CHD2: variants seen among roughly 807,000 people sequenced by gnomAD.
The protein encoded by CHD2 is chromodomain helicase DNA binding protein 2, also known as ATP-dependent chromatin remodeler CHD2.
In CHD2, 28 loss-of-function variants were observed where a neutral mutation model predicts 243.9. The ratio of observed to expected loss-of-function variants is 0.11; its 90% CI spans 0.09 to 0.16. The LOEUF is 0.16. Among genes scored for constraint, CHD2 ranks in the 10% least tolerant of loss-of-function variants. The pLI is 1.00. For synonymous variants in CHD2, 775 were observed against 779.0 expected (o/e 0.99, Z 0.09); for missense variants, 1,386 against 2,209.8 (o/e 0.63, Z 7.47).
intron 32 of CHD2, among the ~76,000 whole-genome samples, chr15:93,001,058 G>A (rs1481687640): frequency 2.0e-5 from 3 of 152,104 alleles, no homozygotes; most frequent in African/African-American, 4.8e-5. Context: ...AAGTAGAGAT[G>A]GGGTTTCACC....
chr15:93,019,113 T>G (rs2054498507), intron 37 of CHD2, among the ~76,000 whole-genome samples: 1 of 152,230 alleles, frequency 6.6e-6, no homozygotes. Flanking sequence ...TGATCCAAGC[T>G]CAAAGTTAGA....
chr15:92,998,300 TTTGTAAA>T lies in CHD2; in HGVS notation c.3886-198_3886-192del, dbSNP rs1252955510. The T allele has an allele frequency of 3.0e-6, 4 of 1,316,588 alleles. No individual in the cohort carries two copies. In the East Asian group the frequency reaches 1.2e-4, roughly 39 times the overall value. 81.6% of individuals were successfully genotyped at this position (1,316,588 alleles called of 1,614,324 possible). ...GGAGAGCTGGATTTCTCCATCCCAT[TTTGTAAA>T]ATGAGAACGGCTCGTGAGGGATTTT... On this transcript the variant is annotated intron_variant, in intron 30 of 38. Coordinates refer to ENST00000394196, the MANE Select transcript of CHD2 (RefSeq NM_001271.4). The surrounding 1 kb of genome is among the most constrained non-coding windows in gnomAD (Gnocchi z 5.1).
At chr15:93,011,854 A>G (rs752759192) in intron 35 of CHD2, among the ~76,000 whole-genome samples, 27 of 152,194 alleles carry the variant, frequency 1.8e-4, no homozygotes, top group Non-Finnish European at 3.5e-4. Context: ...GAGATGACCA[A>G]CTGAATGGAG....
Position 93,009,132 on chromosome 15 carries a change from T to G in CHD2, c.4414-13T>G. Reference sequence around the variant, plus strand: ...CAGATTGTTTATGTCTTTACTCTGTTGTCCTGTTGCAGTGTAAGGAGAGGA... The same window carrying G: ...CAGATTGTTTATGTCTTTACTCTGTGGTCCTGTTGCAGTGTAAGGAGAGGA... On this transcript the variant is annotated splice_polypyrimidine_tract_variant and intron_variant, in intron 34 of 38. Transcript: ENST00000394196. The G allele has an allele frequency of 6.2e-7, 1 of 1,613,508 alleles. No individual in the cohort carries two copies. The highest frequency in any genetic ancestry group is 8.5e-7 in the Non-Finnish European group (1 of 1,179,628).
intron 17 of CHD2, among the ~76,000 whole-genome samples, chr15:92,970,505 A>T (rs915307784): frequency 1.3e-5 from 2 of 152,026 alleles, no homozygotes; most frequent in East Asian, 3.9e-4. Flanking sequence ...CCTGGCCCAT[A>T]ATTATTATTA....
chr15:92,947,928 G>A (rs1408185676), intron 12 of CHD2, among the ~76,000 whole-genome samples: 1 of 152,162 alleles, frequency 6.6e-6, no homozygotes, highest in Non-Finnish European at 1.5e-5. Flanking sequence ...CCTGAAAAAA[G>A]ACTTTTTGGC....
intron 2 of CHD2, among the ~76,000 whole-genome samples, chr15:92,912,758 A>T (rs767319314): frequency 6.0e-5 from 9 of 150,348 alleles, no homozygotes; most frequent in Admixed American, 1.3e-4. Flanking sequence ...CTGGTCTCAA[A>T]CTCCTGACCT....
chr15:92,914,074 A>AT (rs1294890999), intron 2 of CHD2, among the ~76,000 whole-genome samples: 1 of 152,182 alleles, frequency 6.6e-6, no homozygotes, highest in African/African-American at 2.4e-5. Flanking sequence ...AGCACCATAT[A>AT]TTTTATAAAA....
Position 92,941,802 on chromosome 15 carries a change from C to T in CHD2, c.693-20C>T, listed in dbSNP as rs141271290. 4.7e-3 allele frequency: 7,553 copies of T among 1,609,170 alleles called. 444 individuals are homozygous for T. The Admixed American group carries it at 0.11, about 23-fold the overall frequency. ...CTGAAGAGATCATTTCTCATTTATT[C>T]AGCATTATTCCTCTTGCAGTTACAA... On this transcript the variant is annotated intron_variant, in intron 7 of 38. Transcript: ENST00000394196.
At chr15:92,902,194 C>T (rs555459805) in intron 2 of CHD2, 1 of 397,894 alleles carries the variant, frequency 2.5e-6, no homozygotes, top group Admixed American at 4.4e-5. Context: ...AATGCTTTAT[C>T]TTCTGAAGCT....
intron 3 of CHD2, among the ~76,000 whole-genome samples, chr15:92,925,236 C>A (rs1369876729): frequency 6.6e-6 from 1 of 152,182 alleles, no homozygotes; most frequent in Non-Finnish European, 1.5e-5. Context: ...ATGAGAACTT[C>A]TAAGGAAGGC....
intron 34 of CHD2, among the ~76,000 whole-genome samples, chr15:93,007,885 G>A (rs376916237): frequency 6.6e-5 from 10 of 152,164 alleles, no homozygotes; most frequent in Admixed American, 2.6e-4. Flanking sequence ...CACCGCTCTC[G>A]AATATCTTTA....
At chr15:92,904,115 C>G (rs1011436567) in intron 2 of CHD2, among the ~76,000 whole-genome samples, 4 of 152,192 alleles carry the variant, frequency 2.6e-5, no homozygotes, top group Non-Finnish European at 5.9e-5. Flanking sequence ...ACTCTGGTGC[C>G]GACATAAAAG....
In CHD2 at chr15:92,941,950, A is replaced by G. The variant is rs557279382; in HGVS notation, c.821A>G (p.Lys274Arg). The change falls in exon 8 of 39, where the codon AAA (lysine) becomes AGA (arginine). Residue 274 changes from lysine to arginine, a missense_variant. By Grantham distance (26) the Lys-to-Arg change is conservative. Around this residue, in one of 19 missense-constraint regions of CHD2, gnomAD observed 200 missense variants for 292.5 expected, o/e 0.68. Transcript: ENST00000394196. ...EKVLDSRLGK[K>R]GATGASTTVY... is the part of the protein sequence containing the mutation. ...GTCTTAGATTCAAGACTGGGAAAGA[A>G]AGGAGGTATGTGTATTTGGGGAGCA... The G allele has an allele frequency of 1.9e-6, 3 of 1,612,272 alleles. No homozygotes were observed. In the South Asian group the frequency reaches 3.3e-5, roughly 18 times the overall value.
intron 32 of CHD2, 52 bp downstream of exon 32, chr15:93,000,692 A>T (rs778004268): frequency 1.3e-6 from 2 of 1,545,344 alleles, no homozygotes; most frequent in East Asian, 4.5e-5. Context: ...AGCTATACTT[A>T]TCATGCCAGC....
intron 13 of CHD2, chr15:92,949,319 T>G: frequency 9.5e-7 from 1 of 1,048,800 alleles, no homozygotes; most frequent in Non-Finnish European, 1.2e-6. Context: ...GTGGGTAATT[T>G]GTCATAGCCA....
At chr15:92,996,096 T>C (rs1432929229) in intron 28 of CHD2, among the ~76,000 whole-genome samples, 2 of 152,104 alleles carry the variant, frequency 1.3e-5, no homozygotes, top group Non-Finnish European at 2.9e-5. Flanking sequence ...TTGGACTATT[T>C]GGTTGGGGCT....
At chr15:92,920,033 T>C (rs1367535315) in intron 2 of CHD2, among the ~76,000 whole-genome samples, 2 of 152,204 alleles carry the variant, frequency 1.3e-5, no homozygotes, top group Non-Finnish European at 2.9e-5. Flanking sequence ...AAGTAATCCA[T>C]GGAACTCACA....
At chr15:92,909,315 C>G (rs749660953) in intron 2 of CHD2, among the ~76,000 whole-genome samples, 6 of 152,108 alleles carry the variant, frequency 3.9e-5, no homozygotes, top group Non-Finnish European at 5.9e-5. Flanking sequence ...TCTAAACTTC[C>G]TTTCCCTTGG....
Sources: gnomAD v4.1 joint callset for allele counts (sites outside exome capture counted in the v4.1 genomes callset) on GRCh38, gnomAD v4.1.1 for gene constraint, gnomAD v4.1.1 regional missense constraint, Gnocchi (gnomAD v3.1) non-coding constraint, MANE v1.5 for transcripts, NCBI Gene and HGNC (gene_info 2026-07-23, HGNC 2026-07-21) for gene names.